Variants in NLRP5 observed in about 807,000 individuals in gnomAD.
NLRP5 encodes the protein NLR family pyrin domain containing 5, also known as NACHT, LRR and PYD domains-containing protein 5.
In NLRP5, 93 loss-of-function variants were observed where a neutral mutation model predicts 113.1. The observed-to-expected ratio is 0.82, with a 90% confidence interval of 0.70 to 0.98. The LOEUF (loss-of-function observed/expected upper bound fraction) is 0.98, where lower values mean the gene tolerates loss of function less well. NLRP5 is among the 50% of genes least tolerant of loss of function. The pLI, the probability that NLRP5 is intolerant of heterozygous loss-of-function variation, is 0.00. For synonymous variants in NLRP5, 751 were observed against 600.7 expected (o/e 1.25, Z -3.66); for missense variants, 1,808 against 1,514.3 (o/e 1.19, Z -3.22).
chr19:56,024,490 TATATAC>T (rs1328040452), intron 6 of NLRP5, among the ~76,000 whole-genome samples: 1 of 144,758 alleles, frequency 6.9e-6, no homozygotes, highest in Non-Finnish European at 1.5e-5. Flanking sequence ...CGTACATGCG[TATATAC>T]ATATGTATAT....
At chr19:56,005,521 TACAC>T (rs144176069) in intron 2 of NLRP5, among the ~76,000 whole-genome samples, 9,864 of 142,076 alleles carry the variant, frequency 0.069, 652 homozygotes, top group East Asian at 0.19. Context: ...TATATATTTA[TACAC>T]ACACACGCAC....
At chr19:56,045,851 A>T (rs932366057) in intron 11 of NLRP5, among the ~76,000 whole-genome samples, 1 of 152,194 alleles carries the variant, frequency 6.6e-6, no homozygotes, top group African/African-American at 2.4e-5. Context: ...TGTTACAATG[A>T]TAGAATGTTG....
intron 3 of NLRP5, among the ~76,000 whole-genome samples, chr19:56,010,881 G>A (rs1982162792): frequency 6.6e-6 from 1 of 151,790 alleles, no homozygotes; most frequent in Non-Finnish European, 1.5e-5. Flanking sequence ...GCTGGACACA[G>A]TGACTCATAC....
At chr19:55,995,286 C>A (rs530104980), upstream of NLRP5, among the ~76,000 whole-genome samples, 45 of 152,156 alleles carry the variant, frequency 3.0e-4, no homozygotes, top group South Asian at 2.7e-3. Context: ...TGCAGCAAAC[C>A]AACATGGCAC....
At chr19:56,001,874 G>C (rs1005615462) in intron 1 of NLRP5, among the ~76,000 whole-genome samples, 1 of 152,102 alleles carries the variant, frequency 6.6e-6, no homozygotes, top group Non-Finnish European at 1.5e-5. Flanking sequence ...TCCTTCGATT[G>C]CTTTGTCATC....
chr19:56,006,461 G>A (rs1981917366), intron 2 of NLRP5, among the ~76,000 whole-genome samples: 1 of 152,096 alleles, frequency 6.6e-6, no homozygotes, highest in Admixed American at 6.5e-5. Flanking sequence ...CCAGGTGGGT[G>A]TGGCTAATGC....
At chr19:56,000,232 T>C (rs1981586997) in intron 1 of NLRP5, among the ~76,000 whole-genome samples, 1 of 152,164 alleles carries the variant, frequency 6.6e-6, no homozygotes, top group Non-Finnish European at 1.5e-5. Flanking sequence ...TCCACTCTTT[T>C]CAATGACAAT....
At chr19:56,040,387 G>A (rs1273146948) in intron 10 of NLRP5, among the ~76,000 whole-genome samples, 3 of 152,150 alleles carry the variant, frequency 2.0e-5, no homozygotes, top group African/African-American at 4.8e-5. Context: ...GACCAATATG[G>A]TGAAGCCCTG....
In NLRP5 at chr19:56,041,092, T is replaced by C. The variant is rs200615684; in HGVS notation, c.2957T>C (p.Met986Thr). The stretch of plus-strand genomic sequence containing the variant: ...CCCCACTGTAGTCTGCAGAGGCTGA[T>C]GTGAGTCTGGCTTGCTCCCCTGCAA... Residue 986 changes from methionine to threonine, a missense_variant and splice_region_variant, in exon 11 of 15, where the codon ATG becomes ACG. Coordinates refer to ENST00000390649, the MANE Select transcript of NLRP5 (RefSeq NM_153447.4). 1.4e-5 allele frequency: 23 copies of C among 1,613,642 alleles called. No individual in the cohort carries two copies. The highest frequency in any genetic ancestry group is 2.7e-5 in the African/African-American group (2 of 74,936).
upstream of NLRP5, among the ~76,000 whole-genome samples, chr19:55,994,853 T>C (rs977723817): frequency 1.3e-5 from 2 of 152,228 alleles, no homozygotes; most frequent in African/African-American, 2.4e-5. Flanking sequence ...GCTTTCCCTA[T>C]GTTTTCTTCT....
intron 3 of NLRP5, among the ~76,000 whole-genome samples, chr19:56,009,872 T>C (rs1982114800): frequency 6.6e-6 from 1 of 152,058 alleles, no homozygotes; most frequent in South Asian, 2.1e-4. Context: ...AACATCTGAG[T>C]AACTGGCATC....
intron 12 of NLRP5, among the ~76,000 whole-genome samples, chr19:56,051,409 TCTTGAA>T (rs1599910561): frequency 6.6e-6 from 1 of 152,150 alleles, no homozygotes; most frequent in Admixed American, 6.6e-5. Flanking sequence ...GCCAGGCTGG[TCTTGAA>T]CTCCTGACCT....
chr19:55,999,213 T>TTTC (rs1321115532), upstream of NLRP5, among the ~76,000 whole-genome samples: 1 of 43,916 alleles, frequency 2.3e-5, no homozygotes, highest in Non-Finnish European at 5.3e-5. Flanking sequence ...TTTCTTTTTC[T>TTTC]TTTTTTTTTT....
At chr19:56,043,825 C>T (rs1413189840) in intron 11 of NLRP5, among the ~76,000 whole-genome samples, 1 of 151,626 alleles carries the variant, frequency 6.6e-6, no homozygotes, top group African/African-American at 2.4e-5. Flanking sequence ...GATTTGCCCT[C>T]CTCAGCCTCC....
chr19:56,011,158 A>AAAAAAATATATAT (rs372922763), intron 3 of NLRP5, among the ~76,000 whole-genome samples: 1 of 145,124 alleles, frequency 6.9e-6, no homozygotes, highest in African/African-American at 2.5e-5. Flanking sequence ...GTCTTTAAAA[A>AAAAAAATATATAT]ATATATATAC....
chr19:56,043,533 TCTG>T (rs1983597342), intron 11 of NLRP5, among the ~76,000 whole-genome samples: 2 of 138,658 alleles, frequency 1.4e-5, no homozygotes, highest in South Asian at 2.3e-4. Flanking sequence ...GTCTGTTTAC[TCTG>T]CTATTCTTTT....
At chr19:55,999,178 A>G (rs1293948517), upstream of NLRP5, among the ~76,000 whole-genome samples, 1 of 148,574 alleles carries the variant, frequency 6.7e-6, no homozygotes, top group Non-Finnish European at 1.5e-5. Flanking sequence ...AATCCACACA[A>G]TTGAGATCCT....
At chr19:55,990,699 C>A in the NLRP5 span, among the ~76,000 whole-genome samples, 7 of 152,086 alleles carry the variant, frequency 4.6e-5, no homozygotes, top group Admixed American at 4.6e-4. Flanking sequence ...GTGGTGGGCG[C>A]CTGTAGTCCC....
At chr19:56,025,406 GTC>G (rs746496320) in intron 6 of NLRP5, among the ~76,000 whole-genome samples, 18 of 127,664 alleles carry the variant, frequency 1.4e-4, no homozygotes, top group Admixed American at 3.0e-4. Flanking sequence ...CTCTCTCTCT[GTC>G]TCTCTGTTTT....
Sources: gnomAD v4.1 joint callset for allele counts (sites outside exome capture counted in the v4.1 genomes callset) on GRCh38, gnomAD v4.1.1 for gene constraint, MANE v1.5 for transcripts, NCBI Gene and HGNC (gene_info 2026-07-23, HGNC 2026-07-21) for gene names.